The following ZBTB10 variants were observed in gnomAD, a reference collection of about 807,000 sequenced individuals.
ZBTB10 encodes zinc finger and BTB domain containing 10, also known as zinc finger and BTB domain-containing protein 10.
A neutral mutation model predicts 76.4 loss-of-function variants in ZBTB10; 32 were observed. The observed-to-expected ratio is 0.42, with a 90% CI of 0.32 to 0.56. The LOEUF (loss-of-function observed/expected upper bound fraction) is 0.56. Ranked by LOEUF, ZBTB10 falls within the 20% of genes least tolerant of loss-of-function variation. The pLI, the probability that ZBTB10 is intolerant of heterozygous loss-of-function variation, is 0.14. For missense variants in ZBTB10, 1,057 were observed against 1,098.5 expected (o/e 0.96, Z 0.53); for synonymous variants, 523 against 432.9 (o/e 1.21, Z -2.58).
intron 2 of ZBTB10, among the ~76,000 whole-genome samples, chr8:80,505,778 G>T (rs1048834000): frequency 6.6e-6 from 1 of 151,892 alleles, no homozygotes; most frequent in Non-Finnish European, 1.5e-5. Flanking sequence ...TCACCCAGGC[G>T]GAGTGCAGTG....
Position 80,487,491 on chromosome 8 carries a change from A to G in ZBTB10, c.681A>G (p.Glu227=). The G allele has an allele frequency of 6.4e-7, 1 of 1,554,208 alleles. No homozygotes were observed. Residue 227 remains glutamate (E), a synonymous_variant, in exon 1 of 6, where the codon GAA becomes GAG. Coordinates refer to ENST00000455036, the MANE Select transcript of ZBTB10 (RefSeq NM_001105539.3). ...EVEGSGVGAG[E]GETVQHFPLA... Reference sequence around the variant, plus strand: ...AGGGCAGCGGTGTGGGAGCTGGCGAAGGAGAGACTGTCCAGCACTTCCCGC... The same window carrying G: ...AGGGCAGCGGTGTGGGAGCTGGCGAGGGAGAGACTGTCCAGCACTTCCCGC...
intron 2 of ZBTB10, among the ~76,000 whole-genome samples, chr8:80,504,856 A>G (rs1423870581): frequency 6.6e-6 from 1 of 152,370 alleles, no homozygotes; most frequent in South Asian, 2.1e-4. Flanking sequence ...ATTGAATTAC[A>G]GAAGTACAGA....
intron 2 of ZBTB10, among the ~76,000 whole-genome samples, chr8:80,507,054 A>C (rs903454598): frequency 1.3e-5 from 2 of 152,180 alleles, no homozygotes; most frequent in Admixed American, 6.5e-5. Context: ...TCGCGCCTGT[A>C]ATCCCAGCAC....
chr8:80,502,738 TA>T lies in ZBTB10; in HGVS notation c.1861+2368del, dbSNP rs33919475. Among the ~76,000 whole-genome samples the T allele has an allele frequency of 2.2e-3, 319 of 144,744 alleles. 3 individuals are homozygous for T. The highest frequency in any genetic ancestry group is 4.6e-3 in the African/African-American group (186 of 40,392). 95.0% of individuals were successfully genotyped at this position (144,744 alleles called of 152,430 possible). On this transcript the variant is annotated intron_variant, in intron 2 of 5. Coordinates refer to ENST00000455036, the MANE Select transcript of ZBTB10 (RefSeq NM_001105539.3). ...TTTTTACTGTAAAGGGCTAAAACAG[TA>T]AAAAAAAAAAAGACTTTCACCTTTG...
At chr8:80,512,191 C>G (rs1282170598) in intron 2 of ZBTB10, among the ~76,000 whole-genome samples, 3 of 152,114 alleles carry the variant, frequency 2.0e-5, no homozygotes, top group Non-Finnish European at 4.4e-5. Context: ...ACTAATTTCA[C>G]CTTACAGAGA....
At chr8:80,503,342 T>C (rs956920964) in intron 2 of ZBTB10, among the ~76,000 whole-genome samples, 1 of 152,170 alleles carries the variant, frequency 6.6e-6, no homozygotes, top group South Asian at 2.1e-4. Context: ...GCCAGATAGA[T>C]GGTCTTAGCC....
chr8:80,497,087 G>A (rs1014619030), intron 1 of ZBTB10, among the ~76,000 whole-genome samples: 1 of 152,172 alleles, frequency 6.6e-6, no homozygotes, highest in Non-Finnish European at 1.5e-5. Context: ...ACAGAATGAT[G>A]CTTTTGTGGA....
intron 2 of ZBTB10, among the ~76,000 whole-genome samples, chr8:80,508,240 A>G (rs933790072): frequency 1.3e-5 from 2 of 152,204 alleles, no homozygotes; most frequent in African/African-American, 2.4e-5. Flanking sequence ...TCTAAACCAT[A>G]TAAATGCCAG....
chr8:80,524,388 T>C lies in ZBTB10; in HGVS notation c.*4860T>C, dbSNP rs1393410299. On this transcript the variant is annotated 3_prime_UTR_variant, in exon 6 of 6. Coordinates refer to ENST00000455036, the MANE Select transcript of ZBTB10 (RefSeq NM_001105539.3). ...ATTAAAAATTCCCTGTAATTTACAT[T>C]TGTGCATAATCTTGGAAATGGGTTG... The C allele has an allele frequency of 6.6e-6, 1 of 152,104 alleles. No individual in the cohort carries two copies. 9.4% of individuals were successfully genotyped at this position (152,104 alleles called of 1,614,324 possible).
At chr8:80,503,172 G>C (rs897681182) in intron 2 of ZBTB10, among the ~76,000 whole-genome samples, 1 of 152,232 alleles carries the variant, frequency 6.6e-6, no homozygotes, top group Non-Finnish European at 1.5e-5. Flanking sequence ...CTTGTCCTCA[G>C]TTTCCTCATT....
At chr8:80,517,865 C>A (rs554221363) in intron 3 of ZBTB10, among the ~76,000 whole-genome samples, 1 of 141,038 alleles carries the variant, frequency 7.1e-6, no homozygotes, top group African/African-American at 2.7e-5. Flanking sequence ...TTCTCCCGCC[C>A]GCCACCTTTT....
intron 1 of ZBTB10, among the ~76,000 whole-genome samples, chr8:80,493,207 G>GCGCGCACACACACACACACA (rs375071529): frequency 4.8e-5 from 6 of 125,292 alleles, no homozygotes; most frequent in East Asian, 2.4e-4. Flanking sequence ...GCGCGCGCGC[G>GCGCGCACACACACACACACA]CACACACACA....
At chr8:80,510,653 T>G (rs958001985) in intron 2 of ZBTB10, among the ~76,000 whole-genome samples, 9 of 146,486 alleles carry the variant, frequency 6.1e-5, no homozygotes, top group South Asian at 2.1e-4. Flanking sequence ...TGTGTGTGTG[T>G]GTGTGTGTGT....
intron 1 of ZBTB10, among the ~76,000 whole-genome samples, chr8:80,493,383 CTT>C (rs1364846329): frequency 6.6e-6 from 1 of 152,078 alleles, no homozygotes; most frequent in East Asian, 1.9e-4. Context: ...ATTTTATTGT[CTT>C]AACAAATGGG....
chr8:80,502,956 T>C (rs935070337), intron 2 of ZBTB10, among the ~76,000 whole-genome samples: 1 of 151,862 alleles, frequency 6.6e-6, no homozygotes, highest in African/African-American at 2.4e-5. Flanking sequence ...GGGTCTCTCT[T>C]CTGTGGATTC....
chr8:80,507,379 G>A (rs1314595658), intron 2 of ZBTB10, among the ~76,000 whole-genome samples: 3 of 151,952 alleles, frequency 2.0e-5, no homozygotes, highest in African/African-American at 4.8e-5. Context: ...TTGGGAGGCC[G>A]AGGCGGGTGG....
chr8:80,513,850 T>G, intron 2 of ZBTB10, 60 bp from the exon 3 acceptor site: 1 of 1,279,642 alleles, frequency 7.8e-7, no homozygotes, highest in Non-Finnish European at 1.1e-6. Context: ...GAAAGAGTGG[T>G]GTTTTGGGTG....
chr8:80,506,135 C>T (rs1029564002), intron 2 of ZBTB10, among the ~76,000 whole-genome samples: 1 of 151,848 alleles, frequency 6.6e-6, no homozygotes, highest in Non-Finnish European at 1.5e-5. Context: ...ACAATGCTAG[C>T]CTTGAGTGTA....
chr8:80,485,893 G>C (rs1325219667), upstream of ZBTB10: 1 of 1,535,066 alleles, frequency 6.5e-7, no homozygotes, highest in African/African-American at 1.4e-5. Context: ...GGTGCGTGTG[G>C]GCAGCGGGGA....
Sources: gnomAD v4.1 joint callset for allele counts (sites outside exome capture counted in the v4.1 genomes callset) on GRCh38, gnomAD v4.1.1 for gene constraint, MANE v1.5 for transcripts, NCBI Gene and HGNC (gene_info 2026-07-23, HGNC 2026-07-21) for gene names.